TNC: variants seen among roughly 807,000 people sequenced by gnomAD.
TNC encodes the protein tenascin.
TNC carries 109 observed loss-of-function variants against 202.4 expected under a neutral mutation model. That is an observed-to-expected ratio of 0.54 (90% CI 0.46 to 0.63). The LOEUF is 0.63. Among genes scored for constraint, TNC ranks in the 30% least tolerant of loss-of-function variants. TNC has a pLI of 0.00. For missense variants in TNC, 2,756 were observed against 2,833.3 expected (o/e 0.97, Z 0.62); for synonymous variants, 1,007 against 1,089.7 (o/e 0.92, Z 1.50).
At chr9:115,106,540 T>G (rs1011069886) in intron 1 of TNC, among the ~76,000 whole-genome samples, 10 of 152,176 alleles carry the variant, frequency 6.6e-5, no homozygotes, top group African/African-American at 2.4e-4. Flanking sequence ...GTTGTGAACT[T>G]GAGGGGAGGG....
rs78707029 is a variant in TNC, at chr9:115,079,694, C to T, written c.2405-1482G>A. ...AGGAGAATACTATAAACCCATTTTT[C>T]AGCTGTTGGATCTGGAGCTTAAAGA... On this transcript the variant is annotated intron_variant, in intron 6 of 27. Transcript: ENST00000350763. Among the ~76,000 whole-genome samples the T allele has an allele frequency of 4.0e-3, 616 of 152,258 alleles. 12 individuals carry two copies. The East Asian group carries it at 0.066, about 16-fold the overall frequency.
chr9:115,085,569 T>C (rs1234776938), intron 3 of TNC, among the ~76,000 whole-genome samples: 1 of 152,206 alleles, frequency 6.6e-6, no homozygotes, highest in African/African-American at 2.4e-5. Flanking sequence ...TTAAACTCTA[T>C]GTAGATGAGT....
chr9:115,066,795 A>G (rs892450125), intron 10 of TNC, among the ~76,000 whole-genome samples: 3 of 152,274 alleles, frequency 2.0e-5, no homozygotes, highest in Non-Finnish European at 2.9e-5. Flanking sequence ...TGCCACAGAT[A>G]AAGTTTTATT....
chr9:115,091,767 G>A (rs959679903), intron 1 of TNC, among the ~76,000 whole-genome samples: 1 of 152,158 alleles, frequency 6.6e-6, no homozygotes, highest in Non-Finnish European at 1.5e-5. Flanking sequence ...AATCCCAGCC[G>A]AGCTTCTTAC....
At chr9:115,095,566 GTATATATA>G (rs1319232746) in intron 1 of TNC, among the ~76,000 whole-genome samples, 3 of 1,888 alleles carry the variant, frequency 1.6e-3, no homozygotes, top group African/African-American at 4.6e-3. Flanking sequence ...GTATATATAT[GTATATATA>G]TGTATATATA....
chr9:115,107,957 C>T (rs1836740612), intron 1 of TNC, among the ~76,000 whole-genome samples: 1 of 152,156 alleles, frequency 6.6e-6, no homozygotes, highest in Admixed American at 6.5e-5. Flanking sequence ...AATACTTAAG[C>T]CAAGGTGTAC....
rs1832818231 is a variant in TNC at position 115,064,803 on chromosome 9, C to T, written c.3331G>A (p.Ala1111Thr). ...YEHFIIQVQE[A>T]NKVEAARNLT... ...TTCCGAGCTGCCTCCACCTTGTTGGCCTCCTGCACCTGAATGATAAAGTGC... is the reference window on the plus strand; with the variant it reads ...TTCCGAGCTGCCTCCACCTTGTTGGTCTCCTGCACCTGAATGATAAAGTGC... Residue 1111 changes from alanine (A) to threonine (T), a missense_variant, in exon 11 of 28, where the codon GCC becomes ACC. Physicochemically the swap from Ala to Thr is moderately conservative, Grantham distance 58. Coordinates refer to ENST00000350763, the MANE Select transcript of TNC (RefSeq NM_002160.4). 2 of 1,614,024 alleles carry T rather than the reference C, an allele frequency of 1.2e-6. No homozygotes were observed. Among genetic ancestry groups the T allele is most frequent in the Admixed American group, 1.7e-5 (1 of 59,994 alleles).
chr9:115,113,541 A>G (rs534938506), intron 1 of TNC, among the ~76,000 whole-genome samples: 14 of 152,280 alleles, frequency 9.2e-5, no homozygotes, highest in African/African-American at 2.9e-4. Context: ...AGCCAGCTTT[A>G]GGGTTAGAGG....
intron 22 of TNC, among the ~76,000 whole-genome samples, chr9:115,032,696 G>A (rs780985705): frequency 6.6e-6 from 1 of 152,156 alleles, no homozygotes; most frequent in Non-Finnish European, 1.5e-5. Context: ...GATTATAATA[G>A]CCCCATAGGC....
chr9:115,106,396 G>T (rs972799025), intron 1 of TNC, among the ~76,000 whole-genome samples: 2 of 152,140 alleles, frequency 1.3e-5, no homozygotes, highest in Non-Finnish European at 2.9e-5. Flanking sequence ...TCAAGTTAAA[G>T]AATTAATATT....
chr9:115,044,656 A>T (rs1201904773), intron 17 of TNC, among the ~76,000 whole-genome samples: 19 of 152,220 alleles, frequency 1.2e-4, no homozygotes, highest in Admixed American at 1.2e-3. Context: ...TTCGAAGAAC[A>T]CTGTTTATAA....
At chr9:115,104,573 C>T (rs1353227951) in intron 1 of TNC, among the ~76,000 whole-genome samples, 1 of 152,110 alleles carries the variant, frequency 6.6e-6, no homozygotes, top group Non-Finnish European at 1.5e-5. Flanking sequence ...TGAATTGTGG[C>T]TTATTCAACT....
intron 10 of TNC, among the ~76,000 whole-genome samples, chr9:115,066,274 A>T (rs1349235384): frequency 6.6e-6 from 1 of 152,224 alleles, no homozygotes; most frequent in Non-Finnish European, 1.5e-5. Flanking sequence ...GCTGAGCTTA[A>T]GTGGACTTTG....
At chr9:115,052,906 C>T in intron 15 of TNC, 1 of 702,734 alleles carries the variant, frequency 1.4e-6, no homozygotes, top group Admixed American at 2.0e-5. Flanking sequence ...GAGCGTCACT[C>T]ACATTGATAA....
chr9:115,075,563 G>A (rs1182180313), intron 9 of TNC, among the ~76,000 whole-genome samples: 2 of 152,116 alleles, frequency 1.3e-5, no homozygotes, highest in Non-Finnish European at 2.9e-5. Context: ...GAGGTGGGCG[G>A]ATCATGAGGT....
At chr9:115,024,611 G>A (rs764974895) in intron 26 of TNC, among the ~76,000 whole-genome samples, 1 of 152,136 alleles carries the variant, frequency 6.6e-6, no homozygotes, top group Admixed American at 6.5e-5. Flanking sequence ...AAAGACCTCA[G>A]AGAGTAAGGT....
rs1329686483 is a variant in TNC at position 115,086,267 on chromosome 9, A to G, written c.1464T>C (p.Asp488=). The change falls in exon 3 of 28, where the codon GAT becomes GAC. Residue 488 remains aspartate, a synonymous_variant. Coordinates refer to ENST00000350763, the MANE Select transcript of TNC (RefSeq NM_002160.4). ...GGCAGTCTTCCCCTGTGTAGCCGTC[A>G]TCACAAACACACATGCCATTCACAC... ...GRCVNGMCVC[D]DGYTGEDCRD... 6.2e-7 allele frequency: 1 copy of G among 1,614,238 alleles called. No homozygotes were observed. Among genetic ancestry groups the G allele is most frequent in the East Asian group, 2.2e-5 (1 of 44,884 alleles).
Position 115,090,991 on chromosome 9 carries a change from C to A in TNC, c.28G>T (p.Gly10Cys), listed in dbSNP as rs775656892. Reference sequence around the variant, plus strand: ...AGGGCAAGGAAAGCAAGAAAGACACCTGCCAACAGCTGAGTCATGGCCCCC... The same window carrying A: ...AGGGCAAGGAAAGCAAGAAAGACACATGCCAACAGCTGAGTCATGGCCCCC... MGAMTQLLA[G>C]VFLAFLALAT... Residue 10 changes from glycine to cysteine, a missense_variant, in exon 2 of 28, where the codon GGT becomes TGT. Transcript: ENST00000350763. The A allele has an allele frequency of 2.5e-6, 4 of 1,612,538 alleles. No individual in the cohort carries two copies. Among genetic ancestry groups the A allele is most frequent in the Non-Finnish European group, 3.4e-6 (4 of 1,180,024 alleles).
intron 1 of TNC, among the ~76,000 whole-genome samples, chr9:115,115,763 TG>T (rs1248282363): frequency 6.6e-6 from 1 of 152,200 alleles, no homozygotes; most frequent in Non-Finnish European, 1.5e-5. Flanking sequence ...GATTTGTAAA[TG>T]TGCTTTTTGT....
Sources: gnomAD v4.1 joint callset for allele counts (sites outside exome capture counted in the v4.1 genomes callset) on GRCh38, gnomAD v4.1.1 for gene constraint, MANE v1.5 for transcripts, NCBI Gene and HGNC (gene_info 2026-07-23, HGNC 2026-07-21) for gene names.